The following MAST2 variants were observed in gnomAD, a reference collection of about 807,000 sequenced individuals.
MAST2 encodes microtubule associated serine/threonine kinase 2, also known as microtubule-associated serine/threonine-protein kinase 2.
Under a neutral mutation model 147.4 loss-of-function variants are expected in MAST2, and 70 were observed. That is an observed-to-expected ratio of 0.47 (90% CI 0.39 to 0.58). MAST2 has a LOEUF of 0.58. Among genes scored for constraint, MAST2 ranks in the 20% least tolerant of loss-of-function variants. The pLI, the probability that MAST2 is intolerant of heterozygous loss-of-function variation, is 0.00. For synonymous variants in MAST2, 869 were observed against 896.8 expected (o/e 0.97, Z 0.55); for missense variants, 2,080 against 2,302.3 (o/e 0.90, Z 1.98).
At chr1:45,873,604 A>C (rs1478810165) in intron 3 of MAST2, among the ~76,000 whole-genome samples, 1 of 152,212 alleles carries the variant, frequency 6.6e-6, no homozygotes, top group African/African-American at 2.4e-5. Flanking sequence ...AGGTATTTTT[A>C]TCTCAGGTGA....
At chr1:45,804,805 A>C (rs2148615705) in intron 1 of MAST2, among the ~76,000 whole-genome samples, 1 of 152,314 alleles carries the variant, frequency 6.6e-6, no homozygotes, top group Middle Eastern at 3.4e-3. Context: ...GTAGGGGATA[A>C]AGGTCAGTTT....
At chr1:45,894,051 C>T (rs1285278991) in intron 4 of MAST2, among the ~76,000 whole-genome samples, 1 of 151,792 alleles carries the variant, frequency 6.6e-6, no homozygotes, top group Non-Finnish European at 1.5e-5. Flanking sequence ...CCTATTTCTA[C>T]AAAAATATGT....
rs780267615 is a variant in MAST2 at position 46,030,223 on chromosome 1, T to C, written c.2538T>C (p.Ser846=). The part of the protein sequence containing the change: ...CLEIRQFSSC[S]PRFNKVYSSM... The stretch of plus-strand genomic sequence containing the variant: ...AGATCCGCCAGTTCTCTTCCTGCTC[T>C]CCAAGGTTCAACAAGGTGTGACTGA... Residue 846 remains serine (S), a synonymous_variant, in exon 21 of 29, where the codon TCT becomes TCC. Transcript: ENST00000361297. 1 of 1,614,144 alleles carries C rather than the reference T, an allele frequency of 6.2e-7. No homozygotes were observed. The highest frequency in any genetic ancestry group is 1.7e-5 in the Admixed American group (1 of 60,020).
intron 4 of MAST2, among the ~76,000 whole-genome samples, chr1:45,934,715 G>A (rs1035929759): frequency 1.1e-4 from 16 of 152,194 alleles, no homozygotes; most frequent in African/African-American, 3.9e-4. Context: ...GAGCAACTGT[G>A]CCCGGCCAAT....
At chr1:45,865,020 T>C in intron 3 of MAST2, 1 of 440,302 alleles carries the variant, frequency 2.3e-6, no homozygotes, top group Admixed American at 2.6e-5. Flanking sequence ...CTGAAAGGAT[T>C]GTTTGCCTCT....
At chr1:45,862,195 A>G (rs1050709446) in intron 3 of MAST2, among the ~76,000 whole-genome samples, 6 of 152,182 alleles carry the variant, frequency 3.9e-5, no homozygotes, top group Non-Finnish European at 8.8e-5. Flanking sequence ...GTTACACACT[A>G]CTCTGTGAGA....
chr1:46,013,549 G>A (rs555486605), intron 10 of MAST2, among the ~76,000 whole-genome samples: 3 of 152,012 alleles, frequency 2.0e-5, no homozygotes, highest in African/African-American at 4.8e-5. Flanking sequence ...GCATGGTGAC[G>A]CACGCCTGTA....
intron 4 of MAST2, among the ~76,000 whole-genome samples, chr1:45,930,208 G>C (rs1202393467): frequency 6.6e-6 from 1 of 152,038 alleles, no homozygotes; most frequent in Non-Finnish European, 1.5e-5. Flanking sequence ...CTCCCCAGTA[G>C]CTGAGATTAC....
At chr1:45,880,488 G>C (rs1316267442) in intron 3 of MAST2, among the ~76,000 whole-genome samples, 2 of 152,082 alleles carry the variant, frequency 1.3e-5, no homozygotes, top group Non-Finnish European at 2.9e-5. Context: ...AGAGATTTAG[G>C]TTATCTGAGT....
Position 46,033,817 on chromosome 1 carries a change from G to T in MAST2, c.3553G>T (p.Ala1185Ser). The T allele has an allele frequency of 6.2e-7, 1 of 1,614,158 alleles. No individual in the cohort carries two copies. The highest frequency in any genetic ancestry group is 1.1e-5 in the South Asian group (1 of 91,080). ...ELILKSGNKV[A>S]ISTTPLENTS... ...TGCTCCCCAGAGTGGAAACAAGGTG[G>T]CCATTTCAACAACTCCCCTGGAGAA... Residue 1185 changes from alanine (A) to serine (S), a missense_variant, in exon 27 of 29, where the codon GCC (alanine) becomes TCC (serine). Physicochemically the swap from Ala to Ser is moderately conservative, Grantham distance 99. Around this residue, in one of 4 missense-constraint regions of MAST2, gnomAD observed 1,278 missense variants for 1,304.2 expected, o/e 0.98. Transcript: ENST00000361297.
intron 11 of MAST2, 91 bp from the exon 12 acceptor site, chr1:46,021,859 C>T (rs774303419): frequency 1.3e-4 from 164 of 1,236,054 alleles, no homozygotes; most frequent in Non-Finnish European, 1.8e-4. Context: ...AAGTCTTGTT[C>T]ATCTCAGTCT....
Position 45,940,263 on chromosome 1 carries a change from G to C in MAST2, c.501-19123G>C, listed in dbSNP as rs575720382. The stretch of plus-strand genomic sequence containing the variant: ...CCGCCTCGGCCTCCCAAAGTGCTAG[G>C]ATTAAAGGCATGAGTCACCATGCCC... On this transcript the variant is annotated intron_variant, in intron 4 of 28. Coordinates refer to ENST00000361297, the MANE Select transcript of MAST2 (RefSeq NM_015112.3). 3.3e-5 allele frequency among the ~76,000 whole-genome samples: 5 copies of C among 152,118 alleles called. No individual in the cohort carries two copies. In the East Asian group the frequency reaches 9.7e-4, roughly 29 times the overall value.
intron 7 of MAST2, among the ~76,000 whole-genome samples, chr1:46,006,012 G>A (rs575830795): frequency 6.6e-6 from 1 of 152,286 alleles, no homozygotes; most frequent in South Asian, 2.1e-4. Flanking sequence ...CCAACTCCCT[G>A]CACAACCCTT....
In MAST2 at chr1:45,913,613, A is replaced by C. The variant is rs1008208775; in HGVS notation, c.500+31218A>C. 7 of 994,868 alleles carry C rather than the reference A, an allele frequency of 7.0e-6. No homozygotes were observed. The African/African-American group carries it at 8.7e-5, about 12-fold the overall frequency. The allele number at this position is 994,868 out of a possible 1,614,324, so 61.6% of individuals were successfully genotyped here. A position where few individuals can be genotyped will look rare whatever the true frequency, so the allele number is the denominator to read the frequency against. Reference sequence around the variant, plus strand: ...ATTCATTTGGGATCTGGAACTTGTCACTGTCCCACTGCTGCCTCGTGGGCT... The same window carrying C: ...ATTCATTTGGGATCTGGAACTTGTCCCTGTCCCACTGCTGCCTCGTGGGCT... On this transcript the variant is annotated intron_variant, in intron 4 of 28. Coordinates refer to ENST00000361297, the MANE Select transcript of MAST2 (RefSeq NM_015112.3).
At chr1:45,811,482 G>T (rs1425323375) in intron 1 of MAST2, among the ~76,000 whole-genome samples, 4 of 151,446 alleles carry the variant, frequency 2.6e-5, no homozygotes, top group Non-Finnish European at 2.9e-5. Context: ...GGGACTACAG[G>T]CGCCCACCAC....
chr1:45,889,173 T>A (rs1647278822), intron 4 of MAST2, among the ~76,000 whole-genome samples: 1 of 152,212 alleles, frequency 6.6e-6, no homozygotes, highest in Admixed American at 6.5e-5. Flanking sequence ...GATATTAATT[T>A]AAACTTTTTT....
intron 3 of MAST2, among the ~76,000 whole-genome samples, chr1:45,868,715 G>A (rs1646261679): frequency 6.6e-6 from 1 of 152,070 alleles, no homozygotes; most frequent in Non-Finnish European, 1.5e-5. Flanking sequence ...ATAAATTATG[G>A]TCATCTTACA....
At chr1:46,013,456 A>G (rs1314371810) in intron 10 of MAST2, among the ~76,000 whole-genome samples, 6 of 152,012 alleles carry the variant, frequency 3.9e-5, no homozygotes, top group Admixed American at 3.9e-4. Context: ...TGAGGCAGGC[A>G]GATCACCTGA....
At chr1:45,864,223 G>A (rs891285820) in intron 3 of MAST2, among the ~76,000 whole-genome samples, 2 of 152,134 alleles carry the variant, frequency 1.3e-5, no homozygotes, top group African/African-American at 4.8e-5. Context: ...ACTTTTTCAT[G>A]CTGTGCCCTT....
Sources: allele counts gnomAD v4.1 joint callset (sites outside exome capture counted in the v4.1 genomes callset), GRCh38; gene constraint gnomAD v4.1.1; regional missense constraint gnomAD v4.1.1; transcripts MANE v1.5; gene names NCBI Gene and HGNC (gene_info 2026-07-23, HGNC 2026-07-21).